THSD4: variants seen among roughly 807,000 people sequenced by gnomAD.
THSD4 encodes the protein thrombospondin type 1 domain containing 4, also known as thrombospondin type-1 domain-containing protein 4.
THSD4 carries 69 observed loss-of-function variants against 119.0 expected under a neutral mutation model. That is an observed-to-expected ratio of 0.58 (90% CI 0.48 to 0.71). The LOEUF (loss-of-function observed/expected upper bound fraction) is 0.71. Ranked by LOEUF, THSD4 falls within the 30% of genes least tolerant of loss-of-function variation. The pLI is 0.00. For synonymous variants in THSD4, 524 were observed against 540.4 expected, an observed-to-expected ratio of 0.97 and a Z score of 0.42; for missense variants, 1,393 against 1,391.1, an observed-to-expected ratio of 1.00 and a Z score of -0.02.
At chr15:71,275,117 CAGG>C (rs1279106012) in intron 6 of THSD4, among the ~76,000 whole-genome samples, 1 of 151,956 alleles carries the variant, frequency 6.6e-6, no homozygotes, top group Non-Finnish European at 1.5e-5. Flanking sequence ...TAGAGACTCA[CAGG>C]GGTAGGATGG....
At chr15:71,309,363 T>C (rs567380650) in intron 6 of THSD4, among the ~76,000 whole-genome samples, 59 of 152,354 alleles carry the variant, frequency 3.9e-4, no homozygotes, top group African/African-American at 1.3e-3. Context: ...CCTGTCTTTT[T>C]ATTGTTAAAG....
intron 8 of THSD4, among the ~76,000 whole-genome samples, chr15:71,722,254 G>A (rs1009573286): frequency 6.6e-6 from 1 of 152,168 alleles, no homozygotes; most frequent in Non-Finnish European, 1.5e-5. Flanking sequence ...TGTTTCAGAA[G>A]CCAATTCATG....
intron 7 of THSD4, among the ~76,000 whole-genome samples, chr15:71,600,191 ACT>A (rs1308215376): frequency 6.6e-6 from 1 of 152,022 alleles, no homozygotes; most frequent in Non-Finnish European, 1.5e-5. Context: ...AGACTTACTC[ACT>A]CAGAAAGCTC....
At chr15:71,590,678 A>G (rs190914563) in intron 7 of THSD4, among the ~76,000 whole-genome samples, 1 of 152,206 alleles carries the variant, frequency 6.6e-6, no homozygotes, top group Non-Finnish European at 1.5e-5. Flanking sequence ...TGTAACAAAC[A>G]TGCACATCCT....
intron 3 of THSD4, among the ~76,000 whole-genome samples, chr15:71,202,338 G>C (rs1178896210): frequency 6.6e-6 from 1 of 152,078 alleles, no homozygotes; most frequent in Non-Finnish European, 1.5e-5. Context: ...TCATCTCTTG[G>C]CTACTTTCCT....
At chr15:71,335,939 G>GT (rs1382185199) in intron 6 of THSD4, among the ~76,000 whole-genome samples, 1 of 152,186 alleles carries the variant, frequency 6.6e-6, no homozygotes, top group East Asian at 1.9e-4. Context: ...GGGGTGGGTT[G>GT]TCGGGGAATG....
At chr15:71,242,152 G>A (rs1278463876) in intron 4 of THSD4, among the ~76,000 whole-genome samples, 1 of 152,098 alleles carries the variant, frequency 6.6e-6, no homozygotes, top group Non-Finnish European at 1.5e-5. Flanking sequence ...ACGTAGAAAA[G>A]CTCTTTGAGT....
intron 7 of THSD4, among the ~76,000 whole-genome samples, chr15:71,498,433 ATAG>A (rs1383801213): frequency 6.6e-5 from 10 of 152,220 alleles, no homozygotes; most frequent in African/African-American, 2.4e-4. Flanking sequence ...TGTCTGGCTG[ATAG>A]TAGTTGGGAA....
intron 7 of THSD4, among the ~76,000 whole-genome samples, chr15:71,558,458 T>C (rs2049057341): frequency 6.6e-6 from 1 of 152,198 alleles, no homozygotes; most frequent in African/African-American, 2.4e-5. Context: ...TGATATACAG[T>C]ATTTTTATTA....
chr15:71,173,567 C>CACATAT (rs1022713970), intron 3 of THSD4, among the ~76,000 whole-genome samples: 1,603 of 145,900 alleles, frequency 0.011, 32 homozygotes, highest in African/African-American at 0.038. Context: ...CACACACACA[C>CACATAT]ATATATATAT....
rs1439292463 is a variant in THSD4, at chr15:71,141,510, G to T, written c.-18G>T. Reference sequence around the variant, plus strand: ...ACGTCTCTGAAGAGCCCTTGCTTTTGCCTGGACCCCCAGCATCATGGTTTC... The same window carrying T: ...ACGTCTCTGAAGAGCCCTTGCTTTTTCCTGGACCCCCAGCATCATGGTTTC... On this transcript the variant is annotated 5_prime_UTR_variant, in exon 2 of 18. Transcript: ENST00000261862. 1.2e-6 allele frequency: 2 copies of T among 1,606,924 alleles called. No homozygotes were observed. Among genetic ancestry groups the T allele is most frequent in the African/African-American group, 2.7e-5 (2 of 74,762 alleles).
At chr15:71,162,308 A>G (rs774805605) in intron 3 of THSD4, among the ~76,000 whole-genome samples, 1 of 152,058 alleles carries the variant, frequency 6.6e-6, no homozygotes, top group Non-Finnish European at 1.5e-5. Flanking sequence ...TTGTAAGGCC[A>G]GTATAGTAGT....
At chr15:71,258,186 GTTT>G (rs1421926218) in intron 6 of THSD4, among the ~76,000 whole-genome samples, 1 of 152,044 alleles carries the variant, frequency 6.6e-6, no homozygotes, top group Non-Finnish European at 1.5e-5. Context: ...TTTTGTTTTT[GTTT>G]TGTTTTTGAG....
In THSD4 at chr15:71,396,156, A is replaced by G. The variant is rs578214247; in HGVS notation, c.1016-15531A>G. Among the ~76,000 whole-genome samples, 140 of 152,262 alleles carry G rather than the reference A, an allele frequency of 9.2e-4. 4 individuals carry two copies. In the South Asian group the frequency reaches 0.027, roughly 30 times the overall value. ...TATCTACATATACATGTATACATAC[A>G]TGTAGACACATGTATATACATACAC... On this transcript the variant is annotated intron_variant, in intron 6 of 17. Coordinates refer to ENST00000261862, the MANE Select transcript of THSD4 (RefSeq NM_024817.3).
intron 7 of THSD4, among the ~76,000 whole-genome samples, chr15:71,522,427 A>G (rs977074543): frequency 9.9e-5 from 15 of 152,266 alleles, no homozygotes; most frequent in African/African-American, 2.6e-4. Context: ...CAGATCATAG[A>G]AGACAGCTTC....
Position 71,396,425 on chromosome 15 carries a change from C to T in THSD4, c.1016-15262C>T, listed in dbSNP as rs539312627. Among the ~76,000 whole-genome samples, 139 of 152,248 alleles carry T rather than the reference C, an allele frequency of 9.1e-4. 4 individuals carry two copies. In the South Asian group the frequency reaches 0.028, roughly 30 times the overall value. On this transcript the variant is annotated intron_variant, in intron 6 of 17. Coordinates refer to ENST00000261862, the MANE Select transcript of THSD4 (RefSeq NM_024817.3). ...TGCAGAGGTGCTACCACTTCCTCTG[C>T]CTCTGACTTTCTCTGGTTTCCAAGA...
intron 7 of THSD4, among the ~76,000 whole-genome samples, chr15:71,449,084 G>A (rs1045337796): frequency 2.0e-5 from 3 of 152,180 alleles, no homozygotes; most frequent in African/African-American, 4.8e-5. Flanking sequence ...ACCAGCGGGC[G>A]ACCTGGTCAC....
intron 8 of THSD4, among the ~76,000 whole-genome samples, chr15:71,697,589 A>T (rs377610974): frequency 9.8e-5 from 15 of 152,302 alleles, no homozygotes; most frequent in African/African-American, 3.4e-4. Flanking sequence ...ACGACAGAAG[A>T]GGAGGGGACA....
rs1491121953 is a variant in THSD4, at chr15:71,724,297, T to TTTTC, written c.1358-4252_1358-4251insTTTC. Among the ~76,000 whole-genome samples, 104 of 41,608 alleles carry TTTTC rather than the reference T, an allele frequency of 2.5e-3. 2 individuals carry two copies. The highest frequency in any genetic ancestry group is 4.5e-3 in the African/African-American group (103 of 22,696). 27.3% of individuals were successfully genotyped at this position (41,608 alleles called of 152,430 possible). A position where few individuals can be genotyped will look rare whatever the true frequency, so the allele number is the denominator to read the frequency against. On this transcript the variant is annotated intron_variant, in intron 8 of 17. Transcript: ENST00000261862. ...TATATATATATATATATTTTTTTTTTCCCCCCAAGATGGAATTTTGCTCTG... is the reference window on the plus strand; with the variant it reads ...TATATATATATATATATTTTTTTTTTTTTCCCCCCCAAGATGGAATTTTGCTCTG...
Sources: gnomAD v4.1 joint callset for allele counts (sites outside exome capture counted in the v4.1 genomes callset) on GRCh38, gnomAD v4.1.1 for gene constraint, MANE v1.5 for transcripts, NCBI Gene and HGNC (gene_info 2026-07-23, HGNC 2026-07-21) for gene names.